ZFYVE27: variants seen among roughly 807,000 people sequenced by gnomAD.
ZFYVE27 encodes the protein protrudin.
ZFYVE27 carries 36 observed loss-of-function variants against 52.8 expected under a neutral mutation model. That is an observed-to-expected ratio of 0.68 (90% CI 0.52 to 0.90). The LOEUF is 0.90. Among genes scored for constraint, ZFYVE27 ranks in the 40% least tolerant of loss-of-function variants. ZFYVE27 has a pLI of 0.00. For missense variants in ZFYVE27, 450 were observed against 527.2 expected, an observed-to-expected ratio of 0.85 and a Z score of 1.43; for synonymous variants, 223 against 215.6, an observed-to-expected ratio of 1.03 and a Z score of -0.30.
chr10:97,746,817 G>A (rs1350708996), intron 4 of ZFYVE27, among the ~76,000 whole-genome samples: 1 of 151,974 alleles, frequency 6.6e-6, no homozygotes, highest in Non-Finnish European at 1.5e-5. Context: ...AGCCTCCTGA[G>A]TAGCTGGGAC....
At chr10:97,751,240 G>A in intron 7 of ZFYVE27, 151 bp from the exon 8 acceptor site, 2 of 818,316 alleles carry the variant, frequency 2.4e-6, no homozygotes, top group Non-Finnish European at 4.1e-6. Context: ...CAGGCTAGAG[G>A]TTGCTCCTTC....
In ZFYVE27 at chr10:97,751,388, C is replaced by T. The variant is rs2046964273; in HGVS notation, c.805-3C>T. ...CCTTCTGTCATAGAGTCTCTCTTCC[C>T]AGGACCTCACACCGGGCAGCGTGGA... On this transcript the variant is annotated splice_region_variant and splice_polypyrimidine_tract_variant and intron_variant, in intron 7 of 12. Coordinates refer to ENST00000684270, the MANE Select transcript of ZFYVE27 (RefSeq NM_001385875.1). The T allele has an allele frequency of 3.1e-6, 5 of 1,613,736 alleles. No individual in the cohort carries two copies. In the East Asian group the frequency reaches 1.1e-4, roughly 36 times the overall value.
chr10:97,752,551 A>G, intron 8 of ZFYVE27, among the ~76,000 whole-genome samples: 1 of 151,998 alleles, frequency 6.6e-6, no homozygotes, highest in South Asian at 2.1e-4. Flanking sequence ...TAAGTGAAAC[A>G]AAAGTTTCCG....
At chr10:97,758,997 G>GTGCCACAAA (rs2049106964) in intron 12 of ZFYVE27, among the ~76,000 whole-genome samples, 1 of 152,054 alleles carries the variant, frequency 6.6e-6, no homozygotes, top group Non-Finnish European at 1.5e-5. Flanking sequence ...TGTTCTGTTG[G>GTGCCACAAA]TGCCACAATA....
chr10:97,759,298 T>C lies in ZFYVE27; in HGVS notation c.1234T>C (p.Ter412ArgextTer40), dbSNP rs771821524. Residue 412 changes from the stop codon to arginine (R), a stop_lost, in exon 13 of 13, where the codon TGA becomes CGA. Coordinates refer to ENST00000684270, the MANE Select transcript of ZFYVE27 (RefSeq NM_001385875.1). ...CTCGTGTAACCAGACCTTGAGCAAG[T>C]GAGAAGAGAGGCCAGGGTCCAACCA... The part of the protein sequence containing the change: ...CASCNQTLSK[*>R] 2 of 1,614,016 alleles carry C rather than the reference T, an allele frequency of 1.2e-6. No individual in the cohort carries two copies. The highest frequency in any genetic ancestry group is 1.7e-6 in the Non-Finnish European group (2 of 1,179,992).
intron 7 of ZFYVE27, 70 bp from the exon 8 acceptor site, chr10:97,751,321 G>A (rs2046933996): frequency 6.4e-7 from 1 of 1,550,684 alleles, no homozygotes; most frequent in Admixed American, 1.7e-5. Flanking sequence ...CTGGCTTGGG[G>A]AGGTGGTCCT....
chr10:97,741,908 A>G (rs1330823420), intron 2 of ZFYVE27, among the ~76,000 whole-genome samples: 1 of 152,142 alleles, frequency 6.6e-6, no homozygotes, highest in Non-Finnish European at 1.5e-5. Context: ...GGGTGGGCAG[A>G]TCACCTGAGG....
chr10:97,759,241 G>A lies in ZFYVE27; in HGVS notation c.1177G>A (p.Glu393Lys). The A allele has an allele frequency of 6.2e-7, 1 of 1,614,188 alleles. No homozygotes were observed. The highest frequency in any genetic ancestry group is 8.5e-7 in the Non-Finnish European group (1 of 1,180,034). The change falls in exon 13 of 13, where the codon GAA (glutamate) becomes AAA (lysine). Residue 393 changes from glutamate (E) to lysine (K), a missense_variant. Physicochemically the swap from Glu to Lys is moderately conservative, Grantham distance 56. Coordinates refer to ENST00000684270, the MANE Select transcript of ZFYVE27 (RefSeq NM_001385875.1). Reference protein sequence around the residue: ...PKSSMGATAPEAQRETVFVCA... With the variant: ...PKSSMGATAPKAQRETVFVCA... ...AAGTTCTTCCTCCTTTTCAGCCCCT[G>A]AAGCCCAGAGGGAGACTGTGTTTGT... is the stretch of plus-strand genomic sequence containing the variant.
chr10:97,748,775 T>C (rs544829264), intron 5 of ZFYVE27, among the ~76,000 whole-genome samples: 66 of 152,364 alleles, frequency 4.3e-4, no homozygotes, highest in African/African-American at 1.6e-3. Flanking sequence ...TTATTTATAA[T>C]ACCAGATTAA....
At chr10:97,739,889 T>G (rs1338114609) in intron 2 of ZFYVE27, among the ~76,000 whole-genome samples, 1 of 151,754 alleles carries the variant, frequency 6.6e-6, no homozygotes, top group Non-Finnish European at 1.5e-5. Flanking sequence ...AAAAGTGTTT[T>G]TTTTTTTTTT....
chr10:97,740,995 T>C (rs2043473024), intron 2 of ZFYVE27, among the ~76,000 whole-genome samples: 2 of 152,200 alleles, frequency 1.3e-5, no homozygotes, highest in Admixed American at 1.3e-4. Context: ...CAAAATGGGA[T>C]TGGCTTTTAT....
chr10:97,760,827 T>C lies in ZFYVE27; in HGVS notation c.*1527T>C, dbSNP rs1241670798. 6.6e-6 allele frequency: 1 copy of C among 152,266 alleles called. No individual in the cohort carries two copies. The highest frequency in any genetic ancestry group is 2.4e-5 in the African/African-American group (1 of 41,472). The allele number at this position is 152,266 out of a possible 1,614,324, so 9.4% of individuals were successfully genotyped here. On this transcript the variant is annotated 3_prime_UTR_variant, in exon 13 of 13. Transcript: ENST00000684270. Reference sequence around the variant, plus strand: ...AGAGTTCAGTACCCCGTGCTTTCTTTACACTGGAGAGGAACTAAAAGGATC... The same window carrying C: ...AGAGTTCAGTACCCCGTGCTTTCTTCACACTGGAGAGGAACTAAAAGGATC...
chr10:97,751,605 C>A, intron 8 of ZFYVE27, 143 bp downstream of exon 8: 1 of 810,686 alleles, frequency 1.2e-6, no homozygotes, highest in Non-Finnish European at 2.0e-6. Flanking sequence ...GAAAGAGTGC[C>A]ACTGAACCCC....
chr10:97,739,641 G>A (rs570802520), intron 2 of ZFYVE27, among the ~76,000 whole-genome samples: 2 of 152,178 alleles, frequency 1.3e-5, no homozygotes, highest in South Asian at 2.1e-4. Flanking sequence ...CATTTCCTCA[G>A]TTGTACCATC....
intron 2 of ZFYVE27, among the ~76,000 whole-genome samples, chr10:97,741,018 C>T (rs531283561): frequency 6.6e-6 from 1 of 152,284 alleles, no homozygotes; most frequent in South Asian, 2.1e-4. Flanking sequence ...CGCTTTTACC[C>T]TGGTAGCTGC....
intron 5 of ZFYVE27, 31 bp downstream of exon 5, chr10:97,748,395 C>T (rs780681741): frequency 1.2e-6 from 2 of 1,607,028 alleles, no homozygotes; most frequent in East Asian, 2.2e-5. Flanking sequence ...CGCCACCACC[C>T]TATAGGAATT....
At chr10:97,745,261 C>T (rs1040041926) in intron 4 of ZFYVE27, among the ~76,000 whole-genome samples, 6 of 152,040 alleles carry the variant, frequency 3.9e-5, no homozygotes, top group African/African-American at 1.5e-4. Context: ...ACTGCAACCT[C>T]CGCCTTCCAT....
intron 4 of ZFYVE27, 46 bp from the exon 5 acceptor site, chr10:97,748,223 C>G (rs753986578): frequency 6.3e-7 from 1 of 1,596,626 alleles, no homozygotes; most frequent in Non-Finnish European, 8.6e-7. Flanking sequence ...GCTCCACTTC[C>G]CAGGGCTTCT....
At position 97,752,862 on chromosome 10, in the gene ZFYVE27, C is replaced by G. The variant is rs1435125707; in HGVS notation, c.882C>G (p.Thr294=). Residue 294 remains threonine (T), a synonymous_variant, in exon 9 of 13, where the codon ACC becomes ACG. Coordinates refer to ENST00000684270, the MANE Select transcript of ZFYVE27 (RefSeq NM_001385875.1). The stretch of plus-strand genomic sequence containing the variant: ...CCCCGCACCTTGGGAGGCAGGAGAC[C>G]CACTTGGTGGTGCTGGTAAGTGGAA... ...DEEFKDAIEE[T]HLVVLEDDEG... 11 of 1,613,910 alleles carry G rather than the reference C, an allele frequency of 6.8e-6. No individual in the cohort carries two copies. The highest frequency in any genetic ancestry group is 3.3e-5 in the Admixed American group (2 of 60,006).
Sources: allele counts gnomAD v4.1 joint callset (sites outside exome capture counted in the v4.1 genomes callset), GRCh38; gene constraint gnomAD v4.1.1; transcripts MANE v1.5; gene names NCBI Gene and HGNC (gene_info 2026-07-23, HGNC 2026-07-21).